ACACA: variants seen among roughly 807,000 people sequenced by gnomAD.
ACACA encodes acetyl-CoA carboxylase 1.
A neutral mutation model predicts 296.1 loss-of-function variants in ACACA; 103 were observed. That is an observed-to-expected ratio of 0.35 (90% confidence interval 0.30 to 0.41). The LOEUF is 0.41. Ranked by LOEUF, ACACA falls within the 10% of genes least tolerant of loss-of-function variation. The pLI, the probability that ACACA is intolerant of heterozygous loss-of-function variation, is 1.00. For missense variants in ACACA, 1,554 were observed against 2,989.7 expected (o/e 0.52, Z 11.20); for synonymous variants, 953 against 1,038.6 (o/e 0.92, Z 1.58).
intron 50 of ACACA, among the ~76,000 whole-genome samples, chr17:37,114,531 T>TAA (rs60963286): frequency 4.2e-4 from 51 of 122,816 alleles, no homozygotes; most frequent in Admixed American, 1.1e-3. Flanking sequence ...GCCCTGCCTT[T>TAA]AAAAAAAAAA....
At chr17:37,392,951 T>C (rs1464498487) in intron 1 of ACACA, among the ~76,000 whole-genome samples, 2 of 152,008 alleles carry the variant, frequency 1.3e-5, no homozygotes, top group African/African-American at 4.8e-5. Flanking sequence ...GAGACCAGCC[T>C]GGCCAACATG....
chr17:37,115,980 TC>T (rs1356436996), intron 50 of ACACA, among the ~76,000 whole-genome samples: 1 of 151,922 alleles, frequency 6.6e-6, no homozygotes, highest in Non-Finnish European at 1.5e-5. Flanking sequence ...ACTACTTCAT[TC>T]TTTTTTTTTT....
intron 3 of ACACA, among the ~76,000 whole-genome samples, chr17:37,287,005 T>A (rs1157519749): frequency 6.6e-6 from 1 of 152,238 alleles, no homozygotes; most frequent in Admixed American, 6.5e-5. Context: ...CGCTATTGAA[T>A]GTTCTCTGTT....
At position 37,087,025 on chromosome 17, in the gene ACACA, G is replaced by A; in HGVS notation, c.*291C>T. On this transcript the variant is annotated 3_prime_UTR_variant, in exon 56 of 56. Coordinates refer to ENST00000616317, the MANE Select transcript of ACACA (RefSeq NM_198834.3). ...CTACTTTGGTTAGTAAGACCTCATGGTACATGTTTGTACCTTTCATTGCCT... is the reference window on the plus strand; with the variant it reads ...CTACTTTGGTTAGTAAGACCTCATGATACATGTTTGTACCTTTCATTGCCT... The A allele has an allele frequency of 2.0e-6, 1 of 500,852 alleles. No homozygotes were observed. Among genetic ancestry groups the A allele is most frequent in the Non-Finnish European group, 3.7e-6 (1 of 273,468 alleles). The allele number at this position is 500,852 out of a possible 1,614,324, so 31.0% of individuals were successfully genotyped here. A position where few individuals can be genotyped will look rare whatever the true frequency, so the allele number is the denominator to read the frequency against.
intron 8 of ACACA, 69 bp downstream of exon 8, chr17:37,275,882 G>C: frequency 1.5e-6 from 2 of 1,321,588 alleles, no homozygotes; most frequent in Non-Finnish European, 2.2e-6. Flanking sequence ...TTTTTCAAAA[G>C]AGGTAAGTCC....
intron 43 of ACACA, among the ~76,000 whole-genome samples, chr17:37,152,334 A>C (rs1396355977): frequency 1.3e-5 from 2 of 152,224 alleles, no homozygotes; most frequent in Non-Finnish European, 2.9e-5. Flanking sequence ...TATAATGAGC[A>C]AAAGGCATCA....
At chr17:37,370,073 A>G (rs1199324219) in intron 1 of ACACA, among the ~76,000 whole-genome samples, 4 of 146,564 alleles carry the variant, frequency 2.7e-5, no homozygotes, top group East Asian at 2.1e-4. Context: ...CAGTGGCCCA[A>G]TCTCGGCTCT....
chr17:37,270,388 A>T (rs1353773865), intron 10 of ACACA, among the ~76,000 whole-genome samples: 1 of 152,204 alleles, frequency 6.6e-6, no homozygotes, highest in Non-Finnish European at 1.5e-5. Flanking sequence ...TGACCTACAA[A>T]GTCAGCAGAA....
intron 35 of ACACA, among the ~76,000 whole-genome samples, chr17:37,197,743 G>A (rs936819890): frequency 3.9e-5 from 6 of 152,038 alleles, no homozygotes; most frequent in Admixed American, 2.6e-4. Context: ...GATGGAGTTC[G>A]GTTTAATAGT....
chr17:37,275,390 G>A (rs568596880), intron 8 of ACACA, among the ~76,000 whole-genome samples: 20 of 151,526 alleles, frequency 1.3e-4, no homozygotes, highest in African/African-American at 4.6e-4. Flanking sequence ...CCAGCTACTC[G>A]GGAGGCTGAG....
At chr17:37,124,698 G>A (rs1164750141) in intron 48 of ACACA, among the ~76,000 whole-genome samples, 1 of 152,156 alleles carries the variant, frequency 6.6e-6, no homozygotes, top group Non-Finnish European at 1.5e-5. Flanking sequence ...AAACAGACAG[G>A]TAGGCTCTGG....
At chr17:37,384,424 C>T (rs2050437936) in intron 1 of ACACA, among the ~76,000 whole-genome samples, 1 of 152,144 alleles carries the variant, frequency 6.6e-6, no homozygotes, top group Non-Finnish European at 1.5e-5. Flanking sequence ...TCTTTTTCCC[C>T]CTCTTTCAAT....
chr17:37,343,992 G>GA (rs1403752405), intron 1 of ACACA, among the ~76,000 whole-genome samples: 1 of 151,518 alleles, frequency 6.6e-6, no homozygotes, highest in Non-Finnish European at 1.5e-5. Context: ...AGATAAATAA[G>GA]ATTTGTCCCT....
intron 1 of ACACA, among the ~76,000 whole-genome samples, chr17:37,390,333 T>TAA (rs1403058821): frequency 2.6e-4 from 24 of 92,156 alleles, no homozygotes; most frequent in Non-Finnish European, 3.9e-4. Context: ...TATATATATA[T>TAA]AAAAGGCCAG....
Position 37,248,651 on chromosome 17 carries a change from G to A in ACACA, c.2105C>T (p.Thr702Ile). Residue 702 changes from threonine (T) to isoleucine (I), a missense_variant, in exon 17 of 56, where the codon ACA becomes ATA. By Grantham distance (89) the Thr-to-Ile change is moderately conservative. Coordinates refer to ENST00000616317, the MANE Select transcript of ACACA (RefSeq NM_198834.3). Reference protein sequence around the residue: ...LERGQVLPAHTLLNTVDVELI... With the variant: ...LERGQVLPAHILLNTVDVELI... ...TTCAACATCTACTGTATTCAGAAGTGTATGAGCAGGAAGGACTTGACCCCT... is the reference window on the plus strand; with the variant it reads ...TTCAACATCTACTGTATTCAGAAGTATATGAGCAGGAAGGACTTGACCCCT... 1.2e-6 allele frequency: 2 copies of A among 1,610,896 alleles called. No individual in the cohort carries two copies. The highest frequency in any genetic ancestry group is 1.7e-6 in the Non-Finnish European group (2 of 1,177,698).
At chr17:37,144,788 C>T (rs1419466447) in intron 45 of ACACA, among the ~76,000 whole-genome samples, 3 of 151,502 alleles carry the variant, frequency 2.0e-5, no homozygotes, top group Admixed American at 1.3e-4. Context: ...GGCCTGATCT[C>T]GCTAAGGGGG....
chr17:37,381,763 G>A (rs931140763), intron 1 of ACACA, among the ~76,000 whole-genome samples: 2 of 151,582 alleles, frequency 1.3e-5, no homozygotes, highest in Non-Finnish European at 2.9e-5. Flanking sequence ...GAGTAGCTGG[G>A]ACTACAGGCA....
intron 3 of ACACA, among the ~76,000 whole-genome samples, chr17:37,306,115 A>G (rs901811991): frequency 6.6e-6 from 1 of 151,860 alleles, no homozygotes; most frequent in Non-Finnish European, 1.5e-5. Flanking sequence ...TCACCGTGTT[A>G]GCCAGGATGG....
intron 3 of ACACA, chr17:37,329,060 T>G: frequency 2.5e-6 from 1 of 397,960 alleles, no homozygotes; most frequent in Non-Finnish European, 4.4e-6. Flanking sequence ...ATAAAAACAA[T>G]CTAGTGTTAC....
Sources: gnomAD v4.1 joint callset for allele counts (sites outside exome capture counted in the v4.1 genomes callset) on GRCh38, gnomAD v4.1.1 for gene constraint, MANE v1.5 for transcripts, NCBI Gene and HGNC (gene_info 2026-07-23, HGNC 2026-07-21) for gene names.